Variants in EPHA6 observed in about 807,000 individuals in gnomAD.
EPHA6 encodes the protein ephrin type-A receptor 6.
EPHA6 carries 50 observed loss-of-function variants against 112.0 expected under a neutral mutation model. The ratio of observed to expected loss-of-function variants is 0.45; its 90% CI spans 0.36 to 0.56. The LOEUF (loss-of-function observed/expected upper bound fraction) is 0.56. Among genes scored for constraint, EPHA6 ranks in the 20% least tolerant of loss-of-function variants. The pLI is 0.00. For synonymous variants in EPHA6, 529 were observed against 490.7 expected (o/e 1.08, Z -1.03); for missense variants, 1,280 against 1,417.4 (o/e 0.90, Z 1.56).
At chr3:97,277,005 G>C (rs967860060) in intron 5 of EPHA6, among the ~76,000 whole-genome samples, 2 of 152,132 alleles carry the variant, frequency 1.3e-5, no homozygotes, top group African/African-American at 4.8e-5. Context: ...GGCTGAGGAA[G>C]AATTGGGACC....
intron 14 of EPHA6, among the ~76,000 whole-genome samples, chr3:97,683,888 T>G (rs1375656668): frequency 1.3e-5 from 2 of 152,116 alleles, no homozygotes; most frequent in East Asian, 3.9e-4. Context: ...CCAGCTGACT[T>G]CTCATGCTGC....
chr3:97,197,757 C>T (rs1430779928), intron 3 of EPHA6, among the ~76,000 whole-genome samples: 2 of 152,020 alleles, frequency 1.3e-5, no homozygotes, highest in South Asian at 2.1e-4. Context: ...CCAGAAATTG[C>T]AGTCCTTGTG....
chr3:97,121,488 G>A (rs1436077143), intron 3 of EPHA6, among the ~76,000 whole-genome samples: 1 of 152,014 alleles, frequency 6.6e-6, no homozygotes, highest in African/African-American at 2.4e-5. Context: ...ATGTCACTTT[G>A]GTGTACACTC....
At chr3:97,538,981 C>CTCCTT (rs2092801076) in intron 11 of EPHA6, among the ~76,000 whole-genome samples, 1 of 130,156 alleles carries the variant, frequency 7.7e-6, no homozygotes, top group South Asian at 2.7e-4. Flanking sequence ...CACTTTCTCT[C>CTCCTT]TCTTTCTTTC....
intron 10 of EPHA6, among the ~76,000 whole-genome samples, chr3:97,510,669 G>C (rs1266839903): frequency 1.3e-5 from 2 of 152,176 alleles, no homozygotes; most frequent in African/African-American, 4.8e-5. Flanking sequence ...AGGAGTCAGG[G>C]ATCCACTTCA....
At chr3:97,058,628 C>A (rs982478627) in intron 3 of EPHA6, among the ~76,000 whole-genome samples, 3 of 152,048 alleles carry the variant, frequency 2.0e-5, no homozygotes, top group East Asian at 1.9e-4. Flanking sequence ...TAATCAAGTT[C>A]TTTTATTGTT....
At chr3:97,053,580 G>T (rs2045755532) in intron 3 of EPHA6, among the ~76,000 whole-genome samples, 1 of 152,018 alleles carries the variant, frequency 6.6e-6, no homozygotes, top group South Asian at 2.1e-4. Context: ...TGCAAGAATG[G>T]GCACATCTCA....
chr3:96,853,760 A>G (rs1055295009), intron 1 of EPHA6, among the ~76,000 whole-genome samples: 17 of 151,988 alleles, frequency 1.1e-4, no homozygotes, highest in Non-Finnish European at 2.4e-4. Context: ...CTTTATGATC[A>G]GGATTTCAAG....
At chr3:96,858,908 A>G (rs2035851293) in intron 1 of EPHA6, among the ~76,000 whole-genome samples, 1 of 152,050 alleles carries the variant, frequency 6.6e-6, no homozygotes, top group Non-Finnish European at 1.5e-5. Flanking sequence ...CTTCGATTTT[A>G]TTTTTTCTAG....
intron 3 of EPHA6, among the ~76,000 whole-genome samples, chr3:97,021,625 T>C (rs191720838): frequency 6.6e-6 from 1 of 152,344 alleles, no homozygotes; most frequent in East Asian, 1.9e-4. Flanking sequence ...TCTTCCTTAC[T>C]TGCAGAAGCC....
intron 5 of EPHA6, among the ~76,000 whole-genome samples, chr3:97,331,566 A>G (rs1372348147): frequency 6.6e-6 from 1 of 152,198 alleles, no homozygotes; most frequent in Non-Finnish European, 1.5e-5. Flanking sequence ...AGGGGATATC[A>G]CCACTGATCC....
chr3:97,333,088 T>C (rs1433045839), intron 5 of EPHA6, among the ~76,000 whole-genome samples: 1 of 152,128 alleles, frequency 6.6e-6, no homozygotes, highest in East Asian at 1.9e-4. Context: ...CCTAGTTACC[T>C]GTTTATGAAC....
intron 6 of EPHA6, among the ~76,000 whole-genome samples, chr3:97,420,610 T>C (rs2107181858): frequency 6.6e-6 from 1 of 152,236 alleles, no homozygotes; most frequent in African/African-American, 2.4e-5. Flanking sequence ...AGTCATTTTT[T>C]TCCCCCATCT....
intron 11 of EPHA6, among the ~76,000 whole-genome samples, chr3:97,557,049 G>A (rs372441250): frequency 6.6e-6 from 1 of 151,808 alleles, no homozygotes; most frequent in African/African-American, 2.4e-5. Flanking sequence ...TTGAAACTAT[G>A]CTATAATTTA....
At chr3:96,882,722 T>TTGTG in intron 2 of EPHA6, among the ~76,000 whole-genome samples, 1 of 135,946 alleles carries the variant, frequency 7.4e-6, no homozygotes, top group Non-Finnish European at 1.6e-5. Flanking sequence ...TAGTATTCCA[T>TTGTG]TGTGTGTCTG....
chr3:97,482,270 A>G (rs560876389), intron 9 of EPHA6, among the ~76,000 whole-genome samples: 3 of 152,394 alleles, frequency 2.0e-5, no homozygotes, highest in South Asian at 4.1e-4. Flanking sequence ...GCATAATATT[A>G]TCAACATGAC....
chr3:97,468,627 A>G (rs2107431566), intron 7 of EPHA6, among the ~76,000 whole-genome samples: 1 of 151,786 alleles, frequency 6.6e-6, no homozygotes, highest in South Asian at 2.1e-4. Flanking sequence ...ATTATTTTCT[A>G]TTAATTTACC....
chr3:97,091,293 G>A (rs1041730906), intron 3 of EPHA6, among the ~76,000 whole-genome samples: 11 of 152,108 alleles, frequency 7.2e-5, no homozygotes, highest in South Asian at 2.1e-4. Flanking sequence ...AGGGATCCCC[G>A]CAAACTAACT....
At chr3:96,953,189 G>C (rs1175467074) in intron 2 of EPHA6, among the ~76,000 whole-genome samples, 4 of 151,888 alleles carry the variant, frequency 2.6e-5, no homozygotes, top group African/African-American at 7.3e-5. Context: ...TTTTTTTAAT[G>C]AGAAGTTAAT....
Sources: gnomAD v4.1 joint callset for allele counts (sites outside exome capture counted in the v4.1 genomes callset) on GRCh38, gnomAD v4.1.1 for gene constraint, MANE v1.5 for transcripts, NCBI Gene and HGNC (gene_info 2026-07-23, HGNC 2026-07-21) for gene names.